UROD: variants seen among roughly 807,000 people sequenced by gnomAD.
UROD encodes the protein uroporphyrinogen III decarboxylase.
In UROD, 34 loss-of-function variants were observed where a neutral mutation model predicts 47.1. The observed-to-expected ratio is 0.72, with a 90% CI of 0.55 to 0.96. The LOEUF is 0.96. Among genes scored for constraint, UROD ranks in the 40% least tolerant of loss-of-function variants. The pLI is 0.00. For missense variants in UROD, 381 were observed against 471.8 expected (o/e 0.81, Z 1.78); for synonymous variants, 148 against 175.8 (o/e 0.84, Z 1.25).
In UROD at chr1:45,013,740, C is replaced by T; in HGVS notation, c.423C>T (p.Thr141=). ...LGYVFQAITL[T]RQRLAGRVPL... ...ATGTGTTCCAAGCCATCACCCTTAC[C>T]CGACAACGACTGGCTGGACGTGTGC... The change falls in exon 5 of 10, where the codon ACC becomes ACT. Residue 141 remains threonine, a synonymous_variant. Coordinates refer to ENST00000246337, the MANE Select transcript of UROD (RefSeq NM_000374.5). The surrounding 1 kb of genome is among the most constrained non-coding windows in gnomAD (Gnocchi z 4.2). 1 of 1,614,128 alleles carries T rather than the reference C, an allele frequency of 6.2e-7. No individual in the cohort carries two copies. Among genetic ancestry groups the T allele is most frequent in the Non-Finnish European group, 8.5e-7 (1 of 1,180,010 alleles).
chr1:45,013,516 T>C lies in UROD; in HGVS notation c.277-78T>C. On this transcript the variant is annotated intron_variant, in intron 4 of 9. Coordinates refer to ENST00000246337, the MANE Select transcript of UROD (RefSeq NM_000374.5). The surrounding 1 kb of genome is among the most constrained non-coding windows in gnomAD (Gnocchi z 4.2). ...TGGCAGAGTTTTATTCTCCTTTTCC[T>C]TCCTCCTGGAATGAGCTGAACAGAA... The C allele has an allele frequency of 6.2e-7, 1 of 1,609,238 alleles. No individual in the cohort carries two copies. The highest frequency in any genetic ancestry group is 1.3e-5 in the African/African-American group (1 of 74,920).
intron 6 of UROD, 28 bp from the exon 7 acceptor site, chr1:45,014,411 A>G (rs749138579): frequency 6.2e-6 from 10 of 1,613,826 alleles, no homozygotes; most frequent in Admixed American, 1.7e-5. Context: ...TGTGTGTTAC[A>G]TATTTTTCTT....
chr1:45,014,620 T>C, intron 7 of UROD, 44 bp downstream of exon 7: 1 of 1,613,948 alleles, frequency 6.2e-7, no homozygotes, highest in Non-Finnish European at 8.5e-7. Flanking sequence ...CTGTGGAGCT[T>C]TCAGGCTAAG....
rs892596632 is a variant in UROD, at chr1:45,013,574, G to A, written c.277-20G>A. Reference sequence around the variant, plus strand: ...TCCTGGATTCCATTTTGGGAACCCAGATGTTTTCTCCCCCTCCAGGCACTG... The same window carrying A: ...TCCTGGATTCCATTTTGGGAACCCAAATGTTTTCTCCCCCTCCAGGCACTG... On this transcript the variant is annotated intron_variant, in intron 4 of 9. Transcript: ENST00000246337. The surrounding 1 kb of genome is among the most constrained non-coding windows in gnomAD (Gnocchi z 4.2). 2.5e-6 allele frequency: 4 copies of A among 1,613,994 alleles called. No individual in the cohort carries two copies. The highest frequency in any genetic ancestry group is 3.4e-6 in the Non-Finnish European group (4 of 1,180,016).
Position 45,013,887 on chromosome 1 carries a change from C to T in UROD, c.475-22C>T. On this transcript the variant is annotated intron_variant, in intron 5 of 9. Coordinates refer to ENST00000246337, the MANE Select transcript of UROD (RefSeq NM_000374.5). This position sits in a 1 kb window ranked among gnomAD's most constrained non-coding sequence, Gnocchi z 4.2. ...AAGGGTCAGTCTGGCTTCTGTGACA[C>T]CATCTTTCTATCCTTCTCTAGTGGA... The T allele has an allele frequency of 1.2e-6, 2 of 1,614,226 alleles. No homozygotes were observed. The highest frequency in any genetic ancestry group is 1.1e-5 in the South Asian group (1 of 91,090).
Position 45,013,677 on chromosome 1 carries a change from C to T in UROD, c.360C>T (p.Arg120=), listed in dbSNP as rs1644824345. The T allele has an allele frequency of 6.2e-7, 1 of 1,614,186 alleles. No individual in the cohort carries two copies. The highest frequency in any genetic ancestry group is 8.5e-7 in the Non-Finnish European group (1 of 1,180,046). ...TAAGAGAAGAGCAGGACCTAGAACGCCTACGGGATCCAGAAGTGGTAGCCT... is the reference window on the plus strand; with the variant it reads ...TAAGAGAAGAGCAGGACCTAGAACGTCTACGGGATCCAGAAGTGGTAGCCT... ...EPLREEQDLE[R]LRDPEVVASE... Residue 120 remains arginine (R), a synonymous_variant, in exon 5 of 10, where the codon CGC becomes CGT. Coordinates refer to ENST00000246337, the MANE Select transcript of UROD (RefSeq NM_000374.5). The surrounding 1 kb of genome is among the most constrained non-coding windows in gnomAD (Gnocchi z 4.2).
intron 9 of UROD, 54 bp from the exon 10 acceptor site, chr1:45,015,283 G>A (rs1644842240): frequency 6.2e-7 from 1 of 1,608,034 alleles, no homozygotes; most frequent in Admixed American, 1.7e-5. Context: ...GTATATATAG[G>A]GAGGACAAAG....
Position 45,012,293 on chromosome 1 carries a change from C to A in UROD, c.20+8C>A, listed in dbSNP as rs755280720. ...GGAAGCGAATGGGTTGGGGTGAGTT[C>A]TCCAGAGCACGCGGTGTGGCTAGCC... On this transcript the variant is annotated splice_region_variant and intron_variant, in intron 1 of 9. Coordinates refer to ENST00000246337, the MANE Select transcript of UROD (RefSeq NM_000374.5). 2.5e-6 allele frequency: 4 copies of A among 1,614,080 alleles called. No individual in the cohort carries two copies. Among genetic ancestry groups the A allele is most frequent in the East Asian group, 4.5e-5 (2 of 44,870 alleles).
rs753421067 is a variant in UROD at position 45,015,371 on chromosome 1, A to G, written c.977A>G (p.Asp326Gly). 6.2e-7 allele frequency: 1 copy of G among 1,614,134 alleles called. No homozygotes were observed. The highest frequency in any genetic ancestry group is 1.3e-5 in the African/African-American group (1 of 75,026). Residue 326 changes from aspartate to glycine, a missense_variant, in exon 10 of 10, where the codon GAT (aspartate) becomes GGT (glycine). Transcript: ENST00000246337. The stretch of plus-strand genomic sequence containing the variant: ...GGGCAGTTGGTGAAGCAGATGCTGG[A>G]TGACTTTGGACCACATCGCTACATT... ...EIGQLVKQML[D>G]DFGPHRYIAN... is the part of the protein sequence containing the mutation.
In UROD at chr1:45,013,134, A is replaced by G; in HGVS notation, c.134-2A>G. 1 of 1,614,148 alleles carries G rather than the reference A, an allele frequency of 6.2e-7. No individual in the cohort carries two copies. Among genetic ancestry groups the G allele is most frequent in the East Asian group, 2.2e-5 (1 of 44,880 alleles). Reference sequence around the variant, plus strand: ...TGAGCCCTGTCTTCCCTCTGTATGCAGAGTTTAGGGAAACCCGGGCTGCCC... The same window carrying G: ...TGAGCCCTGTCTTCCCTCTGTATGCGGAGTTTAGGGAAACCCGGGCTGCCC... On this transcript the variant is annotated splice_acceptor_variant, in intron 2 of 9. Transcript: ENST00000246337. LOFTEE classifies it high-confidence loss of function. The surrounding 1 kb of genome is among the most constrained non-coding windows in gnomAD (Gnocchi z 4.2).
intron 1 of UROD, chr1:45,012,644 C>A: frequency 1.5e-6 from 1 of 677,540 alleles, no homozygotes; most frequent in Non-Finnish European, 2.4e-6. Flanking sequence ...CCTTCATTCC[C>A]TCCCCCCAGT....
Position 45,012,978 on chromosome 1 carries a change from C to T in UROD, c.92C>T (p.Thr31Ile), listed in dbSNP as rs373038077. 3.1e-6 allele frequency: 5 copies of T among 1,613,904 alleles called. No individual in the cohort carries two copies. Among genetic ancestry groups the T allele is most frequent in the Non-Finnish European group, 4.2e-6 (5 of 1,180,024 alleles). ...GCCTGGGGAGAGGAAACAGACTACA[C>T]TCCCGTTTGGTGCATGCGCCAGGCA... ...RAAWGEETDY[T>I]PVWCMRQAGR... The change falls in exon 2 of 10, where the codon ACT (threonine) becomes ATT (isoleucine). Residue 31 changes from threonine to isoleucine, a missense_variant. Physicochemically the swap from Thr to Ile is moderately conservative, Grantham distance 89. Coordinates refer to ENST00000246337, the MANE Select transcript of UROD (RefSeq NM_000374.5).
rs776332239 is a variant in UROD at position 45,012,911 on chromosome 1, C to A, written c.25C>A (p.Gln9Lys). The change falls in exon 2 of 10, where the codon CAG becomes AAG. Residue 9 changes from glutamine (Q) to lysine (K), a missense_variant. Gln to Lys is a moderately conservative substitution (Grantham distance 53). Coordinates refer to ENST00000246337, the MANE Select transcript of UROD (RefSeq NM_000374.5). MEANGLGP[Q>K]GFPELKNDTF... ...CCACCCCCACCTGATCGCCAGACCTCAGGGTTTTCCGGAGCTGAAGAATGA... is the reference window on the plus strand; with the variant it reads ...CCACCCCCACCTGATCGCCAGACCTAAGGGTTTTCCGGAGCTGAAGAATGA... The A allele has an allele frequency of 1.9e-6, 3 of 1,613,712 alleles. No homozygotes were observed. Among genetic ancestry groups the A allele is most frequent in the Non-Finnish European group, 1.7e-6 (2 of 1,179,892 alleles).
Position 45,013,589 on chromosome 1 carries a change from T to C in UROD, c.277-5T>C, listed in dbSNP as rs201681197. On this transcript the variant is annotated splice_region_variant and splice_polypyrimidine_tract_variant and intron_variant, in intron 4 of 9. Coordinates refer to ENST00000246337, the MANE Select transcript of UROD (RefSeq NM_000374.5). The surrounding 1 kb of genome is among the most constrained non-coding windows in gnomAD (Gnocchi z 4.2). ...TGGGAACCCAGATGTTTTCTCCCCC[T>C]CCAGGCACTGGGCATGGAGGTGACC... 36 of 1,614,156 alleles carry C rather than the reference T, an allele frequency of 2.2e-5. No individual in the cohort carries two copies. In the East Asian group the frequency reaches 8.0e-4, roughly 36 times the overall value.
Position 45,013,555 on chromosome 1 carries a change from A to C in UROD, c.277-39A>C, listed in dbSNP as rs1220542319. 6.2e-7 allele frequency: 1 copy of C among 1,613,656 alleles called. No homozygotes were observed. The highest frequency in any genetic ancestry group is 8.5e-7 in the Non-Finnish European group (1 of 1,179,682). On this transcript the variant is annotated intron_variant, in intron 4 of 9. Transcript: ENST00000246337. This position sits in a 1 kb window ranked among gnomAD's most constrained non-coding sequence, Gnocchi z 4.2. Reference sequence around the variant, plus strand: ...AGCTGAACAGAACCTTTCCTCCTGGATTCCATTTTGGGAACCCAGATGTTT... The same window carrying C: ...AGCTGAACAGAACCTTTCCTCCTGGCTTCCATTTTGGGAACCCAGATGTTT...
chr1:45,013,547 C>T lies in UROD; in HGVS notation c.277-47C>T. 6.2e-7 allele frequency: 1 copy of T among 1,613,378 alleles called. No homozygotes were observed. The highest frequency in any genetic ancestry group is 8.5e-7 in the Non-Finnish European group (1 of 1,179,516). ...CTGGAATGAGCTGAACAGAACCTTT[C>T]CTCCTGGATTCCATTTTGGGAACCC... is the stretch of plus-strand genomic sequence containing the variant. On this transcript the variant is annotated intron_variant, in intron 4 of 9. Coordinates refer to ENST00000246337, the MANE Select transcript of UROD (RefSeq NM_000374.5). The surrounding 1 kb of genome is among the most constrained non-coding windows in gnomAD (Gnocchi z 4.2).
Position 45,013,045 on chromosome 1 carries a change from G to A in UROD, c.133+26G>A, listed in dbSNP as rs539149229. 6.2e-7 allele frequency: 1 copy of A among 1,614,130 alleles called. No homozygotes were observed. The highest frequency in any genetic ancestry group is 1.7e-5 in the Admixed American group (1 of 60,014). Reference sequence around the variant, plus strand: ...GTAAGAGTCAGGGTCTGGAAATCTAGATAAAACTCCGGAGGGAGAAAAGTT... The same window carrying A: ...GTAAGAGTCAGGGTCTGGAAATCTAAATAAAACTCCGGAGGGAGAAAAGTT... On this transcript the variant is annotated intron_variant, in intron 2 of 9. Coordinates refer to ENST00000246337, the MANE Select transcript of UROD (RefSeq NM_000374.5). This position sits in a 1 kb window ranked among gnomAD's most constrained non-coding sequence, Gnocchi z 4.2.
At chr1:45,012,646 C>A in intron 1 of UROD, 2 of 675,906 alleles carry the variant, frequency 3.0e-6, no homozygotes, top group Non-Finnish European at 4.9e-6. Context: ...TTCATTCCCT[C>A]CCCCCAGTCC....
In UROD at chr1:45,013,087, G is replaced by A. The variant is rs1412150397; in HGVS notation, c.134-49G>A. 1 of 1,614,150 alleles carries A rather than the reference G, an allele frequency of 6.2e-7. No individual in the cohort carries two copies. Among genetic ancestry groups the A allele is most frequent in the Non-Finnish European group, 8.5e-7 (1 of 1,180,016 alleles). ...AGAAAAGTTTTCGAGGGGCAGGGGA[G>A]GGCTCTGGAGGGCCTCAAGGCTGAG... is the stretch of plus-strand genomic sequence containing the variant. On this transcript the variant is annotated intron_variant, in intron 2 of 9. Transcript: ENST00000246337. This position sits in a 1 kb window ranked among gnomAD's most constrained non-coding sequence, Gnocchi z 4.2.
Sources: allele counts gnomAD v4.1 joint callset, GRCh38; gene constraint gnomAD v4.1.1; non-coding constraint Gnocchi (gnomAD v3.1); transcripts MANE v1.5; gene names NCBI Gene and HGNC (gene_info 2026-07-23, HGNC 2026-07-21).